The following LSM1 variants were observed in gnomAD, a reference collection of about 807,000 sequenced individuals.
LSM1 encodes LSM1 homolog, mRNA degradation associated.
A neutral mutation model predicts 18.0 loss-of-function variants in LSM1; 13 were observed. The observed-to-expected ratio is 0.72, with a 90% CI of 0.47 to 1.15. The LOEUF is 1.15. Among genes scored for constraint, LSM1 ranks in the 50% most tolerant of loss-of-function variants. The pLI, the probability that LSM1 is intolerant of heterozygous loss-of-function variation, is 0.00. For missense variants in LSM1, 152 were observed against 157.7 expected (o/e 0.96, Z 0.19); for synonymous variants, 46 against 56.0 (o/e 0.82, Z 0.80).
At position 38,163,714 on chromosome 8, in the gene LSM1, G is replaced by A. The variant is rs1252983780; in HGVS notation, c.358C>T (p.Arg120Ter). The change falls in exon 4 of 4, where the codon CGA (arginine) becomes TGA (stop). Residue 120 changes from arginine (R) to a stop codon, truncating the protein, a stop_gained. Transcript: ENST00000311351. LOFTEE classifies it high-confidence loss of function. Reference protein sequence around the residue: ...EKLKVQALKDRGLSIPRADTL... With the variant: ...EKLKVQALKD ...TCTGCTCGAGGAATGGAAAGACCTC[G>A]GTCCTTCAGGGCCTGCACTTTCAAC... The A allele has an allele frequency of 6.8e-6, 11 of 1,614,098 alleles. No individual in the cohort carries two copies. The highest frequency in any genetic ancestry group is 1.3e-5 in the African/African-American group (1 of 75,006).
At position 38,166,648 on chromosome 8, in the gene LSM1, A is replaced by G. The variant is rs572544384; in HGVS notation, c.232-2808T>C. Among the ~76,000 whole-genome samples, 226 of 152,302 alleles carry G rather than the reference A, an allele frequency of 1.5e-3. 1 individual carries two copies. The highest frequency in any genetic ancestry group is 1.7e-3 in the Non-Finnish European group (113 of 68,026). On this transcript the variant is annotated intron_variant, in intron 3 of 3. Coordinates refer to ENST00000311351, the MANE Select transcript of LSM1 (RefSeq NM_014462.3). ...ATGCTCTGCCCTGCATACTATTACC[A>G]CATGCTGCCAAGGTCTCAGAACTCA... is the stretch of plus-strand genomic sequence containing the variant.
intron 3 of LSM1, among the ~76,000 whole-genome samples, chr8:38,164,554 G>T (rs189423933): frequency 7.9e-5 from 12 of 151,620 alleles, no homozygotes; most frequent in Non-Finnish European, 1.8e-4. Flanking sequence ...GGGTGGAGTG[G>T]CTCACAGTCG....
intron 3 of LSM1, among the ~76,000 whole-genome samples, chr8:38,164,084 T>A (rs555423207): frequency 1.2e-4 from 18 of 152,100 alleles, no homozygotes; most frequent in African/African-American, 4.3e-4. Context: ...CAAGATGGAG[T>A]CTCTCTGTCA....
intron 3 of LSM1, among the ~76,000 whole-genome samples, chr8:38,167,656 T>C (rs534344459): frequency 9.2e-5 from 14 of 152,222 alleles, no homozygotes; most frequent in African/African-American, 3.4e-4. Context: ...TTAACTTAAG[T>C]TTTTTCCTCT....
Position 38,163,381 on chromosome 8 carries a change from C to T in LSM1, c.*289G>A. On this transcript the variant is annotated 3_prime_UTR_variant, in exon 4 of 4. Transcript: ENST00000311351. The stretch of plus-strand genomic sequence containing the variant: ...TATTTACAAGTAAATGAAGACTGTC[C>T]CTGTAAACTCTAATTTGGGATATGA... 3.7e-6 allele frequency: 1 copy of T among 273,542 alleles called. No homozygotes were observed. Among genetic ancestry groups the T allele is most frequent in the African/African-American group, 2.2e-5 (1 of 45,714 alleles). 16.9% of individuals were successfully genotyped at this position (273,542 alleles called of 1,614,324 possible).
At chr8:38,165,228 C>T (rs971425592) in intron 3 of LSM1, among the ~76,000 whole-genome samples, 1 of 152,072 alleles carries the variant, frequency 6.6e-6, no homozygotes, top group East Asian at 1.9e-4. Context: ...TGGCAGGTGC[C>T]TGTAATCCCA....
At chr8:38,176,569 T>C (rs1803152170), upstream of LSM1, 1 of 574,898 alleles carries the variant, frequency 1.7e-6, no homozygotes, top group East Asian at 2.9e-5. Flanking sequence ...GGGACACCCT[T>C]TCCCTGTTCC....
Position 38,170,151 on chromosome 8 carries a change from C to T in LSM1, c.116-234G>A, listed in dbSNP as rs559082322. ...CTGCCTACTGGTTCAAGCAATTCTC[C>T]TGCCTCAGATTCCGGAGTAGCTGGG... On this transcript the variant is annotated intron_variant, in intron 2 of 3. Coordinates refer to ENST00000311351, the MANE Select transcript of LSM1 (RefSeq NM_014462.3). Among the ~76,000 whole-genome samples, 31 of 152,190 alleles carry T rather than the reference C, an allele frequency of 2.0e-4. 1 individual carries two copies. Among genetic ancestry groups the T allele is most frequent in the South Asian group, 6.2e-4 (3 of 4,838 alleles).
intron 1 of LSM1, 144 bp from the exon 2 acceptor site, chr8:38,172,177 G>C (rs60177680): frequency 4.0e-6 from 2 of 496,718 alleles, no homozygotes; most frequent in Non-Finnish European, 6.5e-6. Flanking sequence ...ACTGAAAAAA[G>C]CAGCACAGCA....
At chr8:38,176,709 G>A (rs1244141294), upstream of LSM1, 6 of 947,496 alleles carry the variant, frequency 6.3e-6, no homozygotes, top group Non-Finnish European at 8.8e-6. Flanking sequence ...CCGTCCCTCA[G>A]CTTTCGGGGT....
At chr8:38,164,262 T>C (rs1042778466) in intron 3 of LSM1, among the ~76,000 whole-genome samples, 1 of 151,976 alleles carries the variant, frequency 6.6e-6, no homozygotes, top group Non-Finnish European at 1.5e-5. Flanking sequence ...ACCACGTTGG[T>C]CAGGCTGGTC....
At chr8:38,173,768 AG>A in intron 1 of LSM1, among the ~76,000 whole-genome samples, 1 of 152,254 alleles carries the variant, frequency 6.6e-6, no homozygotes, top group Admixed American at 6.5e-5. Flanking sequence ...AGTTGGAAAC[AG>A]TAAGACTGGA....
At chr8:38,174,724 T>TA (rs1010575937) in intron 1 of LSM1, among the ~76,000 whole-genome samples, 5 of 151,966 alleles carry the variant, frequency 3.3e-5, no homozygotes, top group Admixed American at 1.3e-4. Context: ...AATTTGTGTT[T>TA]AAAAAAATGA....
rs1277813415 is a variant in LSM1, at chr8:38,169,888, G to A, written c.145C>T (p.Arg49Cys). 6 of 1,612,762 alleles carry A rather than the reference G, an allele frequency of 3.7e-6. No homozygotes were observed. Among genetic ancestry groups the A allele is most frequent in the Admixed American group, 1.7e-5 (1 of 59,942 alleles). ...ANLVLHQTVE[R>C]IHVGKKYGDI... The stretch of plus-strand genomic sequence containing the variant: ...CCGTATTTTTTGCCCACATGAATAC[G>A]CTCCACAGTCTGATGTAGCACTAAG... The change falls in exon 3 of 4, where the codon CGT (arginine) becomes TGT (cysteine). Residue 49 changes from arginine to cysteine, a missense_variant. By Grantham distance (180) the Arg-to-Cys change is radical. Transcript: ENST00000311351.
At chr8:38,173,163 A>G (rs1803058829) in intron 1 of LSM1, among the ~76,000 whole-genome samples, 1 of 152,176 alleles carries the variant, frequency 6.6e-6, no homozygotes, top group African/African-American at 2.4e-5. Flanking sequence ...TCCATGCCTA[A>G]AGTACTTTCT....
In LSM1 at chr8:38,174,434, G is replaced by A. The variant is rs142784385; in HGVS notation, c.46+1841C>T. 1.8e-4 allele frequency among the ~76,000 whole-genome samples: 28 copies of A among 152,264 alleles called. 1 individual carries two copies. In the East Asian group the frequency reaches 5.2e-3, roughly 28 times the overall value. Reference sequence around the variant, plus strand: ...TACAGAAACACAAGGAGGAAACTGTGTGTTAGGGTTGGGGAGCAAAGGGTG... The same window carrying A: ...TACAGAAACACAAGGAGGAAACTGTATGTTAGGGTTGGGGAGCAAAGGGTG... On this transcript the variant is annotated intron_variant, in intron 1 of 3. Transcript: ENST00000311351.
intron 2 of LSM1, among the ~76,000 whole-genome samples, chr8:38,171,347 A>T (rs964994200): frequency 4.6e-5 from 7 of 152,180 alleles, no homozygotes; most frequent in Non-Finnish European, 8.8e-5. Context: ...ATGTGAGTGA[A>T]GCTCCTTCAA....
At chr8:38,168,812 C>T (rs969908725) in intron 3 of LSM1, among the ~76,000 whole-genome samples, 3 of 151,072 alleles carry the variant, frequency 2.0e-5, no homozygotes, top group Non-Finnish European at 2.9e-5. Context: ...ATATATTTCA[C>T]TTGGGCAGTA....
intron 3 of LSM1, among the ~76,000 whole-genome samples, chr8:38,165,657 A>C (rs1802915423): frequency 6.6e-6 from 1 of 151,686 alleles, no homozygotes; most frequent in Non-Finnish European, 1.5e-5. Flanking sequence ...AGATCACACC[A>C]CTGCACTCTA....
Sources: gnomAD v4.1 joint callset for allele counts (sites outside exome capture counted in the v4.1 genomes callset) on GRCh38, gnomAD v4.1.1 for gene constraint, MANE v1.5 for transcripts, NCBI Gene and HGNC (gene_info 2026-07-23, HGNC 2026-07-21) for gene names.